XKR9: variants seen among roughly 807,000 people sequenced by gnomAD.
The protein encoded by XKR9 is XK related 9, also known as XK-related protein 9.
XKR9 carries 32 observed loss-of-function variants against 32.0 expected under a neutral mutation model. The observed-to-expected ratio is 1.00, with a 90% CI of 0.76 to 1.34. The LOEUF (loss-of-function observed/expected upper bound fraction) is 1.34, where lower values mean the gene tolerates loss of function less well. Ranked by LOEUF, XKR9 falls within the 40% of genes most tolerant of loss-of-function variation. XKR9 has a pLI of 0.00. For synonymous variants in XKR9, 168 were observed against 143.4 expected, an observed-to-expected ratio of 1.17 and a Z score of -1.22; for missense variants, 546 against 429.7, an observed-to-expected ratio of 1.27 and a Z score of -2.39.
intron 2 of XKR9, among the ~76,000 whole-genome samples, chr8:70,776,923 T>TCTCTCTCTCTCTCTCTCTGTC (rs1563477157): frequency 1.7e-5 from 1 of 59,620 alleles, no homozygotes; most frequent in Admixed American, 2.0e-4. Flanking sequence ...TTCTCTTTCT[T>TCTCTCTCTCTCTCTCTCTGTC]TCTCTCTCTC....
At chr8:70,899,915 G>GT in the XKR9 span, among the ~76,000 whole-genome samples, 61 of 152,148 alleles carry the variant, frequency 4.0e-4, no homozygotes, top group Middle Eastern at 3.4e-3. Context: ...TTTTTTGAGA[G>GT]TATCTGTAGA....
chr8:70,991,166 C>A, the XKR9 span, among the ~76,000 whole-genome samples: 1 of 152,084 alleles, frequency 6.6e-6, no homozygotes, highest in African/African-American at 2.4e-5. Flanking sequence ...TGCCTGTGAG[C>A]AGTTCTACTG....
chr8:70,680,568 T>C (rs1466125148), intron 2 of XKR9, among the ~76,000 whole-genome samples: 1 of 152,124 alleles, frequency 6.6e-6, no homozygotes, highest in Non-Finnish European at 1.5e-5. Context: ...AATTTCTTTG[T>C]GGGTAGGTCA....
chr8:70,889,534 G>A, the XKR9 span, among the ~76,000 whole-genome samples: 1 of 151,726 alleles, frequency 6.6e-6, no homozygotes, highest in South Asian at 2.1e-4. Context: ...CCAATAGTTA[G>A]TTTTTCAACA....
chr8:70,923,393 CA>C, the XKR9 span, among the ~76,000 whole-genome samples: 7 of 152,272 alleles, frequency 4.6e-5, no homozygotes, highest in Admixed American at 3.3e-4. Flanking sequence ...ATAGGGGTAT[CA>C]ATAAGTAAAT....
At chr8:70,760,954 A>G (rs1807300773) in intron 2 of XKR9, among the ~76,000 whole-genome samples, 2 of 152,148 alleles carry the variant, frequency 1.3e-5, no homozygotes, top group Admixed American at 6.6e-5. Flanking sequence ...ACATGTGAGA[A>G]CATGCAGTAT....
At chr8:71,011,774 T>A in the XKR9 span, among the ~76,000 whole-genome samples, 3 of 152,186 alleles carry the variant, frequency 2.0e-5, no homozygotes, top group Non-Finnish European at 4.4e-5. Context: ...GTAACCAGCA[T>A]TATGGGGGGA....
At chr8:70,979,564 C>A in the XKR9 span, among the ~76,000 whole-genome samples, 2 of 152,182 alleles carry the variant, frequency 1.3e-5, no homozygotes, top group Non-Finnish European at 2.9e-5. Context: ...GTATCTCCAG[C>A]GGAGGCTGTA....
intron 4 of XKR9, among the ~76,000 whole-genome samples, chr8:70,729,986 T>A (rs1811776870): frequency 6.6e-6 from 1 of 152,236 alleles, no homozygotes; most frequent in Non-Finnish European, 1.5e-5. Context: ...TATCAAAGGC[T>A]TAAAACACTG....
At chr8:71,059,045 G>A in the XKR9 span, among the ~76,000 whole-genome samples, 33 of 152,316 alleles carry the variant, frequency 2.2e-4, no homozygotes, top group East Asian at 4.8e-3. Flanking sequence ...CAAAGGAAAC[G>A]TCAACTGTAT....
the XKR9 span, among the ~76,000 whole-genome samples, chr8:71,012,814 G>A: frequency 6.6e-6 from 1 of 151,950 alleles, no homozygotes; most frequent in African/African-American, 2.4e-5. Context: ...TCAGAACCTG[G>A]GTGTTTAACT....
At chr8:70,738,204 G>A (rs1213083275), downstream of XKR9, among the ~76,000 whole-genome samples, 1 of 135,168 alleles carries the variant, frequency 7.4e-6, no homozygotes, top group Non-Finnish European at 1.7e-5. Context: ...TTGGGAGGGT[G>A]TATGTGTCAA....
chr8:70,935,206 T>TAAACACAC, the XKR9 span, among the ~76,000 whole-genome samples: 1 of 82,592 alleles, frequency 1.2e-5, no homozygotes, highest in African/African-American at 6.8e-5. Context: ...CATATACATA[T>TAAACACAC]ATACACACAC....
chr8:70,930,866 G>A, the XKR9 span, among the ~76,000 whole-genome samples: 1 of 152,092 alleles, frequency 6.6e-6, no homozygotes, highest in Admixed American at 6.6e-5. Flanking sequence ...GGTTGGGTAT[G>A]GTTTAGAATG....
chr8:70,823,971 T>C, the XKR9 span, among the ~76,000 whole-genome samples: 1 of 152,188 alleles, frequency 6.6e-6, no homozygotes, highest in African/African-American at 2.4e-5. Context: ...CTAGTTTTTG[T>C]AGTAAGAATT....
intron 4 of XKR9, among the ~76,000 whole-genome samples, chr8:70,724,968 AG>A (rs1806413423): frequency 6.6e-6 from 1 of 152,200 alleles, no homozygotes; most frequent in African/African-American, 2.4e-5. Flanking sequence ...ATCGACTCAC[AG>A]TTCTGCAGTG....
chr8:70,750,752 C>T (rs1177631337), intron 2 of XKR9, among the ~76,000 whole-genome samples: 1 of 152,152 alleles, frequency 6.6e-6, no homozygotes, highest in Non-Finnish European at 1.5e-5. Flanking sequence ...CCACAATTAA[C>T]TTTAGAACAT....
intron 3 of XKR9, among the ~76,000 whole-genome samples, chr8:70,682,669 A>G (rs1250080223): frequency 8.1e-6 from 1 of 122,912 alleles, no homozygotes; most frequent in African/African-American, 2.6e-5. Flanking sequence ...TTTCTAGGGA[A>G]CTTGAGAGTA....
chr8:70,993,282 G>T, the XKR9 span, among the ~76,000 whole-genome samples: 1 of 152,146 alleles, frequency 6.6e-6, no homozygotes, highest in African/African-American at 2.4e-5. Context: ...ATCTTGAAAA[G>T]GCTGAAAATA....
Sources: allele counts gnomAD v4.1 joint callset (sites outside exome capture counted in the v4.1 genomes callset), GRCh38; gene constraint gnomAD v4.1.1; transcripts MANE v1.5; gene names NCBI Gene and HGNC (gene_info 2026-07-23, HGNC 2026-07-21).